Variants in PCDHAC1 observed in about 807,000 individuals in gnomAD.
PCDHAC1 encodes protocadherin alpha subfamily C, 1, also known as protocadherin alpha-C1.
A neutral mutation model predicts 60.0 loss-of-function variants in PCDHAC1; 42 were observed. The observed-to-expected ratio is 0.70, with a 90% confidence interval of 0.55 to 0.90. The LOEUF (loss-of-function observed/expected upper bound fraction) is 0.90. PCDHAC1 is among the 40% of genes least tolerant of loss of function. The probability of loss-of-function intolerance (pLI) is 0.00; values close to 1 mark genes in which losing one functional copy is unlikely to be tolerated. For synonymous variants in PCDHAC1, 468 were observed against 499.3 expected (o/e 0.94, Z 0.84); for missense variants, 1,160 against 1,222.3 (o/e 0.95, Z 0.76).
At chr5:140,987,938 C>G (rs2153869339) in intron 3 of PCDHAC1, among the ~76,000 whole-genome samples, 1 of 152,208 alleles carries the variant, frequency 6.6e-6, no homozygotes, top group East Asian at 1.9e-4. Context: ...AGGATTCTTA[C>G]CTGTCTGACA....
intron 3 of PCDHAC1, among the ~76,000 whole-genome samples, chr5:140,985,683 G>T (rs926848363): frequency 3.3e-5 from 5 of 151,148 alleles, no homozygotes; most frequent in Admixed American, 6.6e-5. Flanking sequence ...CCTGCCTTAC[G>T]CTAATCCTCG....
At chr5:140,953,284 T>G (rs2094869714) in intron 1 of PCDHAC1, among the ~76,000 whole-genome samples, 1 of 152,160 alleles carries the variant, frequency 6.6e-6, no homozygotes, top group Admixed American at 6.5e-5. Flanking sequence ...TCTTTATATG[T>G]GATTCAGGGA....
chr5:140,978,685 CA>C (rs1426574040), intron 1 of PCDHAC1, among the ~76,000 whole-genome samples: 2 of 152,242 alleles, frequency 1.3e-5, no homozygotes, highest in African/African-American at 2.4e-5. Context: ...ATGTATTGGG[CA>C]AGGCAAAGCC....
intron 1 of PCDHAC1, among the ~76,000 whole-genome samples, chr5:140,949,300 G>T (rs1373100269): frequency 1.3e-5 from 2 of 151,534 alleles, no homozygotes; most frequent in Non-Finnish European, 1.5e-5. Flanking sequence ...GTAATTGTTG[G>T]GTGTAATGAT....
Position 140,967,929 on chromosome 5 carries a change from G to A in PCDHAC1, c.2434-11020G>A, listed in dbSNP as rs1554230126. 5 of 1,614,096 alleles carry A rather than the reference G, an allele frequency of 3.1e-6. No homozygotes were observed. The South Asian group carries it at 4.4e-5, about 14-fold the overall frequency. ...CCCAACACCATTGTGGCCGTTCTCAGTGTCAATGACCAAGACTCAGGCCCC... is the reference window on the plus strand; with the variant it reads ...CCCAACACCATTGTGGCCGTTCTCAATGTCAATGACCAAGACTCAGGCCCC... On this transcript the variant is annotated intron_variant, in intron 1 of 3. Coordinates refer to ENST00000253807, the MANE Select transcript of PCDHAC1 (RefSeq NM_018898.5).
chr5:140,956,562 T>C (rs1395246956), intron 1 of PCDHAC1, among the ~76,000 whole-genome samples: 1 of 152,212 alleles, frequency 6.6e-6, no homozygotes, highest in Non-Finnish European at 1.5e-5. Flanking sequence ...CAGTATCTTA[T>C]TGAGGATTTT....
Position 140,926,778 on chromosome 5 carries a change from A to G in PCDHAC1, c.-115A>G. The G allele has an allele frequency of 7.2e-7, 1 of 1,393,042 alleles. No homozygotes were observed. Among genetic ancestry groups the G allele is most frequent in the East Asian group, 2.6e-5 (1 of 38,208 alleles). 86.3% of individuals were successfully genotyped at this position (1,393,042 alleles called of 1,614,324 possible). ...GCTGAGTATCCAGCCCGCAGCAGTG[A>G]CGGCCGGCAGGAGCGTGCTCTTCCC... On this transcript the variant is annotated 5_prime_UTR_variant, in exon 1 of 4. Coordinates refer to ENST00000253807, the MANE Select transcript of PCDHAC1 (RefSeq NM_018898.5).
intron 1 of PCDHAC1, among the ~76,000 whole-genome samples, chr5:140,932,192 TTC>T (rs2088100364): frequency 6.6e-6 from 1 of 151,968 alleles, no homozygotes. Context: ...GTCCATTTTT[TTC>T]TGTTAATATT....
Position 140,993,460 on chromosome 5 carries a change from T to TCC in PCDHAC1, c.2581+10898_2581+10899insCC, listed in dbSNP as rs1554253699. ...TTCATTCCTGTTCTCCTTCTTTCTT[T>TCC]CTCACACACACACACACACACACAC... On this transcript the variant is annotated intron_variant, in intron 3 of 3. Coordinates refer to ENST00000253807, the MANE Select transcript of PCDHAC1 (RefSeq NM_018898.5). Among the ~76,000 whole-genome samples, 535 of 104,558 alleles carry TCC rather than the reference T, an allele frequency of 5.1e-3. 5 individuals carry two copies. Among genetic ancestry groups the TCC allele is most frequent in the African/African-American group, 0.02 (517 of 25,554 alleles). The allele number at this position is 104,558 out of a possible 152,430, so 68.6% of individuals were successfully genotyped here. A position where few individuals can be genotyped will look rare whatever the true frequency, so the allele number is the denominator to read the frequency against.
intron 1 of PCDHAC1, chr5:140,967,461 G>A (rs782466677): frequency 6.8e-6 from 11 of 1,613,572 alleles, no homozygotes; most frequent in Non-Finnish European, 8.5e-6. Context: ...GCCGTGGATG[G>A]GGGCATCCCA....
intron 1 of PCDHAC1, among the ~76,000 whole-genome samples, chr5:140,977,702 A>C (rs1420121979): frequency 1.3e-5 from 2 of 152,190 alleles, no homozygotes; most frequent in African/African-American, 4.8e-5. Context: ...AATCTGTCTG[A>C]ATATTGAGAT....
Position 140,927,889 on chromosome 5 carries a change from G to T in PCDHAC1, c.997G>T (p.Val333Leu), listed in dbSNP as rs1554205185. ...TAKLLVEVTDVNDHAPELDFL... is the reference protein window; with the variant it reads ...TAKLLVEVTDLNDHAPELDFL... ...TAAACTGCTGGTGGAGGTGACTGAC[G>T]TGAACGATCATGCCCCCGAACTGGA... Residue 333 changes from valine (V) to leucine (L), a missense_variant, in exon 1 of 4, where the codon GTG (valine) becomes TTG (leucine). This residue lies in a region of PCDHAC1 where 1,113 missense variants were observed against 1,163.7 expected (regional missense o/e 0.96). Coordinates refer to ENST00000253807, the MANE Select transcript of PCDHAC1 (RefSeq NM_018898.5). The T allele has an allele frequency of 6.2e-7, 1 of 1,614,226 alleles. No homozygotes were observed. The highest frequency in any genetic ancestry group is 8.5e-7 in the Non-Finnish European group (1 of 1,180,044).
At position 140,927,657 on chromosome 5, in the gene PCDHAC1, T is replaced by A. The variant is rs1161396429; in HGVS notation, c.765T>A (p.Val255=). 6 of 1,614,050 alleles carry A rather than the reference T, an allele frequency of 3.7e-6. No individual in the cohort carries two copies. The highest frequency in any genetic ancestry group is 5.1e-6 in the Non-Finnish European group (6 of 1,180,034). ...CCAATGGGACTGTGTTATTCCGAGTTCAAGCCTTGGATCCAGATGAAGGGT... is the reference window on the plus strand; with the variant it reads ...CCAATGGGACTGTGTTATTCCGAGTACAAGCCTTGGATCCAGATGAAGGGT... ...TAPNGTVLFR[V]QALDPDEGSN... is the part of the protein sequence containing the mutation. The change falls in exon 1 of 4, where the codon GTT becomes GTA. Residue 255 remains valine, a synonymous_variant. Transcript: ENST00000253807.
In PCDHAC1 at chr5:140,927,342, TGAC is replaced by T. The variant is rs1554204398; in HGVS notation, c.456_458del (p.Asp152del). 6.2e-7 allele frequency: 1 copy of T among 1,614,160 alleles called. No homozygotes were observed. The highest frequency in any genetic ancestry group is 8.5e-7 in the Non-Finnish European group (1 of 1,180,046). On this transcript the variant is annotated inframe_deletion, in exon 1 of 4. Coordinates refer to ENST00000253807, the MANE Select transcript of PCDHAC1 (RefSeq NM_018898.5). ...GCTTTACTCTCCCGAATGCCCAAGA[TGAC>T]GACGAGGGAAGCAATGGGATACTAA... is the stretch of plus-strand genomic sequence containing the variant.
intron 1 of PCDHAC1, among the ~76,000 whole-genome samples, chr5:140,961,987 C>T (rs1411300268): frequency 1.3e-5 from 2 of 151,942 alleles, no homozygotes; most frequent in African/African-American, 4.8e-5. Context: ...GGGTTCACGC[C>T]ATTGTCCTGC....
At chr5:140,929,391 A>T (rs1563116530) in intron 1 of PCDHAC1, 66 bp downstream of exon 1, 3 of 1,511,404 alleles carry the variant, frequency 2.0e-6, no homozygotes, top group Non-Finnish European at 2.7e-6. Context: ...GTTTTGAAAT[A>T]TTTCTTAGAC....
intron 1 of PCDHAC1, among the ~76,000 whole-genome samples, chr5:140,953,629 T>A (rs547651453): frequency 6.6e-6 from 1 of 152,298 alleles, no homozygotes; most frequent in East Asian, 1.9e-4. Context: ...TTGCTTTATG[T>A]ATTTTGGCCA....
intron 1 of PCDHAC1, chr5:140,966,810 G>A (rs1290992432): frequency 3.9e-6 from 6 of 1,548,566 alleles, no homozygotes; most frequent in African/African-American, 1.4e-5. Context: ...GAGCATCCAC[G>A]GCTCCGGCGG....
At position 141,009,772 on chromosome 5, in the gene PCDHAC1, C is replaced by G. The variant is rs782009776; in HGVS notation, c.2727C>G (p.Ile909Met). Residue 909 changes from isoleucine (I) to methionine (M), a missense_variant, in exon 4 of 4, where the codon ATC becomes ATG. By Grantham distance (10) the Ile-to-Met change is conservative (BLOSUM62 1). Transcript: ENST00000253807. ...TCATTATCCCAGGATCTCCTGCAAT[C>G]ATCTCCATCCGGCAGGAGCCTACTA... ...DKFIIPGSPA[I>M]ISIRQEPTNS... 4 of 1,614,158 alleles carry G rather than the reference C, an allele frequency of 2.5e-6. No individual in the cohort carries two copies. The East Asian group carries it at 8.9e-5, about 36-fold the overall frequency.
Sources: gnomAD v4.1 joint callset for allele counts (sites outside exome capture counted in the v4.1 genomes callset) on GRCh38, gnomAD v4.1.1 for gene constraint, gnomAD v4.1.1 regional missense constraint, MANE v1.5 for transcripts, NCBI Gene and HGNC (gene_info 2026-07-23, HGNC 2026-07-21) for gene names.